Variants in TUB observed in about 807,000 individuals in gnomAD.
TUB encodes the protein tubby protein homolog.
Under a neutral mutation model 59.7 loss-of-function variants are expected in TUB, and 33 were observed. The ratio of observed to expected loss-of-function variants is 0.55; its 90% CI spans 0.42 to 0.74. The LOEUF (loss-of-function observed/expected upper bound fraction) is 0.74, where lower values mean the gene tolerates loss of function less well. TUB is among the 30% of genes least tolerant of loss of function. The pLI, the probability that TUB is intolerant of heterozygous loss-of-function variation, is 0.00. For missense variants in TUB, 659 were observed against 672.0 expected (o/e 0.98, Z 0.21); for synonymous variants, 293 against 256.4 (o/e 1.14, Z -1.36).
intron 11 of TUB, 138 bp from the exon 12 acceptor site, chr11:8,101,348 C>G: frequency 8.4e-7 from 1 of 1,190,860 alleles, no homozygotes; most frequent in Non-Finnish European, 1.2e-6. Flanking sequence ...CTTTGTTTTA[C>G]TTCCCTTTGT....
At chr11:8,038,578 G>T, upstream of TUB, 1 of 1,119,958 alleles carries the variant, frequency 8.9e-7, no homozygotes, top group Non-Finnish European at 1.1e-6. Flanking sequence ...CTTGGCCTCC[G>T]TGTTGCCATG....
upstream of TUB, among the ~76,000 whole-genome samples, chr11:8,036,994 T>C (rs1378108493): frequency 6.6e-6 from 1 of 152,238 alleles, no homozygotes; most frequent in African/African-American, 2.4e-5. Flanking sequence ...CTTGAGAAAG[T>C]GCTGGCCTGA....
intron 1 of TUB, among the ~76,000 whole-genome samples, chr11:8,084,461 A>G (rs936567574): frequency 6.6e-6 from 1 of 152,210 alleles, no homozygotes; most frequent in African/African-American, 2.4e-5. Flanking sequence ...CCCTTAGTAC[A>G]TTTACAGCCT....
intron 1 of TUB, among the ~76,000 whole-genome samples, chr11:8,087,129 A>C (rs192598404): frequency 2.0e-5 from 3 of 152,330 alleles, no homozygotes; most frequent in Non-Finnish European, 4.4e-5. Flanking sequence ...GGATGAGAGC[A>C]TTAAAAGGCA....
In TUB at chr11:8,103,881, A is replaced by G. The variant is rs1375797639; in HGVS notation, c.*2262A>G. 1 of 152,278 alleles carries G rather than the reference A, an allele frequency of 6.6e-6. No individual in the cohort carries two copies. The highest frequency in any genetic ancestry group is 2.4e-5 in the African/African-American group (1 of 41,456). 9.4% of individuals were successfully genotyped at this position (152,278 alleles called of 1,614,324 possible). ...GTGGAAAAATCAGAAGCACAAAGGAAAACTCTTGGCCTCTGCTTTCTCCTG... is the reference window on the plus strand; with the variant it reads ...GTGGAAAAATCAGAAGCACAAAGGAGAACTCTTGGCCTCTGCTTTCTCCTG... On this transcript the variant is annotated 3_prime_UTR_variant, in exon 12 of 12. Coordinates refer to ENST00000299506, the MANE Select transcript of TUB (RefSeq NM_177972.3).
chr11:8,045,390 C>T (rs1165540251), intron 2 of TUB, among the ~76,000 whole-genome samples: 3 of 152,154 alleles, frequency 2.0e-5, no homozygotes, highest in African/African-American at 4.8e-5. Flanking sequence ...GCATCTTCTC[C>T]TCCTCCTTTT....
intron 1 of TUB, among the ~76,000 whole-genome samples, chr11:8,028,804 G>A (rs1304777066): frequency 6.6e-6 from 1 of 152,030 alleles, no homozygotes; most frequent in African/African-American, 2.4e-5. Context: ...GAGTCTAGGA[G>A]TTTGAGACCA....
chr11:8,101,319 G>A (rs1944291596), intron 11 of TUB, among the ~76,000 whole-genome samples, 167 bp from the exon 12 acceptor site: 1 of 152,116 alleles, frequency 6.6e-6, no homozygotes, highest in South Asian at 2.1e-4. Context: ...CCTCTTTCCT[G>A]CCACTTCTCC....
intron 1 of TUB, among the ~76,000 whole-genome samples, chr11:8,025,381 G>A (rs1942486815): frequency 6.6e-6 from 1 of 152,148 alleles, no homozygotes; most frequent in Non-Finnish European, 1.5e-5. Context: ...CCATGGAAAG[G>A]AGCAGCAAGT....
At chr11:8,064,400 C>T (rs1178015304) in intron 2 of TUB, among the ~76,000 whole-genome samples, 1 of 152,116 alleles carries the variant, frequency 6.6e-6, no homozygotes, top group Non-Finnish European at 1.5e-5. Context: ...AAATTTGGGG[C>T]TTGTAGTACA....
At chr11:8,068,498 A>T (rs1458116885) in intron 2 of TUB, 1 of 152,268 alleles carries the variant, frequency 6.6e-6, no homozygotes. Context: ...CAACTTCCCC[A>T]GTCCCATATA....
At chr11:8,039,729 A>T in intron 2 of TUB, 1 of 1,484,618 alleles carries the variant, frequency 6.7e-7, no homozygotes, top group Non-Finnish European at 9.0e-7. Context: ...CGGCCCTGGG[A>T]AAGGGCCAAC....
intron 11 of TUB, 110 bp downstream of exon 11, chr11:8,101,107 G>C: frequency 7.7e-7 from 1 of 1,304,876 alleles, no homozygotes. Context: ...AAGAATGTGA[G>C]CTATACAGCT....
At chr11:8,040,494 G>T (rs781734059) in intron 2 of TUB, among the ~76,000 whole-genome samples, 2 of 152,188 alleles carry the variant, frequency 1.3e-5, no homozygotes, top group Non-Finnish European at 2.9e-5. Flanking sequence ...GTTTCTGATG[G>T]GGTTTGTGAT....
chr11:8,100,583 C>T lies in TUB; in HGVS notation c.1197C>T (p.Val399=). The T allele has an allele frequency of 6.2e-7, 1 of 1,614,026 alleles. No individual in the cohort carries two copies. The highest frequency in any genetic ancestry group is 1.1e-5 in the South Asian group (1 of 91,066). ...VPGMNMVHER[V]SIRPRNEHET... ...GCATGAACATGGTTCATGAGAGAGTCTCTATCCGCCCCCGCAACGTGAGTG... is the reference window on the plus strand; with the variant it reads ...GCATGAACATGGTTCATGAGAGAGTTTCTATCCGCCCCCGCAACGTGAGTG... Residue 399 remains valine (V), a synonymous_variant, in exon 10 of 12, where the codon GTC becomes GTT. Transcript: ENST00000299506.
chr11:8,064,204 C>T (rs1943190003), intron 2 of TUB, among the ~76,000 whole-genome samples: 1 of 152,180 alleles, frequency 6.6e-6, no homozygotes, highest in Non-Finnish European at 1.5e-5. Context: ...AACAGCATCA[C>T]TTGCCCCAGG....
At chr11:8,098,937 C>A in intron 9 of TUB, 62 bp downstream of exon 9, 3 of 1,224,086 alleles carry the variant, frequency 2.5e-6, no homozygotes, top group Non-Finnish European at 3.6e-6. Context: ...GGACTTGATG[C>A]CTGATCTAGG....
At chr11:8,097,567 A>G in intron 7 of TUB, 142 bp downstream of exon 7, 1 of 1,349,090 alleles carries the variant, frequency 7.4e-7, no homozygotes. Context: ...GTCTGTGCAC[A>G]TCTTTGTGTT....
intron 4 of TUB, among the ~76,000 whole-genome samples, chr11:8,094,798 G>C (rs1943911526): frequency 6.6e-6 from 1 of 152,222 alleles, no homozygotes; most frequent in African/African-American, 2.4e-5. Flanking sequence ...TTCACGGACA[G>C]TGGTTTCCAG....
Sources: gnomAD v4.1 joint callset for allele counts (sites outside exome capture counted in the v4.1 genomes callset) on GRCh38, gnomAD v4.1.1 for gene constraint, MANE v1.5 for transcripts, NCBI Gene and HGNC (gene_info 2026-07-23, HGNC 2026-07-21) for gene names.